The following DNAH11 variants were observed in gnomAD, a reference collection of about 807,000 sequenced individuals.
The protein encoded by DNAH11 is axonemal beta dynein heavy chain 11.
In DNAH11, 442 loss-of-function variants were observed where a neutral mutation model predicts 526.0. The ratio of observed to expected loss-of-function variants is 0.84; its 90% CI spans 0.78 to 0.91. The LOEUF (loss-of-function observed/expected upper bound fraction) is 0.91, where lower values mean the gene tolerates loss of function less well. Among genes scored for constraint, DNAH11 ranks in the 40% least tolerant of loss-of-function variants. DNAH11 has a pLI of 0.00. For missense variants in DNAH11, 6,989 were observed against 5,448.7 expected (o/e 1.28, Z -8.90); for synonymous variants, 2,461 against 1,935.9 (o/e 1.27, Z -7.12).
At position 21,787,470 on chromosome 7, in the gene DNAH11, G is replaced by A. The variant is rs1267709819; in HGVS notation, c.9811G>A (p.Val3271Met). ...EHIPENCLKV[V>M]NEHYLKDPEF... Reference sequence around the variant, plus strand: ...CATTCCAGAGAACTGTCTAAAAGTGGTGAATGAACACTATTTGAAAGACCC... The same window carrying A: ...CATTCCAGAGAACTGTCTAAAAGTGATGAATGAACACTATTTGAAAGACCC... Residue 3271 changes from valine (V) to methionine (M), a missense_variant, in exon 60 of 82, where the codon GTG (valine) becomes ATG (methionine). Transcript: ENST00000409508. 6.2e-7 allele frequency: 1 copy of A among 1,613,738 alleles called. No individual in the cohort carries two copies. The highest frequency in any genetic ancestry group is 1.7e-5 in the Admixed American group (1 of 60,004).
At chr7:21,678,099 A>T (rs1782975831) in intron 30 of DNAH11, among the ~76,000 whole-genome samples, 1 of 146,044 alleles carries the variant, frequency 6.8e-6, no homozygotes, top group Non-Finnish European at 1.5e-5. Flanking sequence ...TTTATTTTTT[A>T]TTTTGTTGTC....
At chr7:21,775,628 C>A (rs116341558) in intron 56 of DNAH11, among the ~76,000 whole-genome samples, 15 of 139,716 alleles carry the variant, frequency 1.1e-4, no homozygotes, top group Non-Finnish European at 2.2e-4. Flanking sequence ...AAAAAAAAAA[C>A]AAGTCTGTCT....
At chr7:21,714,882 A>G (rs1440981034) in intron 42 of DNAH11, among the ~76,000 whole-genome samples, 2 of 152,344 alleles carry the variant, frequency 1.3e-5, no homozygotes, top group East Asian at 3.9e-4. Flanking sequence ...AAAAGACTAG[A>G]TACTTCTAGA....
At chr7:21,711,954 C>G (rs1434002568) in intron 42 of DNAH11, 94 bp downstream of exon 42, 3 of 1,377,202 alleles carry the variant, frequency 2.2e-6, no homozygotes, top group African/African-American at 1.4e-5. Context: ...CATGTTGTTG[C>G]ACAGCTGTCA....
chr7:21,629,473 T>G (rs920286343), intron 25 of DNAH11, among the ~76,000 whole-genome samples: 3 of 152,126 alleles, frequency 2.0e-5, no homozygotes, highest in Admixed American at 2.0e-4. Flanking sequence ...TTTGAAATCT[T>G]GGAAGATCTG....
At chr7:21,574,625 G>A (rs1318522252) in intron 8 of DNAH11, among the ~76,000 whole-genome samples, 1 of 145,512 alleles carries the variant, frequency 6.9e-6, no homozygotes, top group Admixed American at 7.0e-5. Flanking sequence ...GTGCAATGGT[G>A]CGATCTTAGC....
rs758607915 is a variant in DNAH11, at chr7:21,681,557, G to C, written c.5340G>C (p.Leu1780=). The change falls in exon 31 of 82, where the codon CTG becomes CTC. Residue 1780 remains leucine, a synonymous_variant. Coordinates refer to ENST00000409508, the MANE Select transcript of DNAH11 (RefSeq NM_001277115.2). Reference sequence around the variant, plus strand: ...ATGATTCCTTCTAGATTTCTCAGCTGAATACACTGATTACACTTTTGCTGG... The same window carrying C: ...ATGATTCCTTCTAGATTTCTCAGCTCAATACACTGATTACACTTTTGCTGG... ...KDFHKKQISQ[L]NTLITLLLGE... is the part of the protein sequence containing the mutation. 2 of 1,613,640 alleles carry C rather than the reference G, an allele frequency of 1.2e-6. No individual in the cohort carries two copies. Among genetic ancestry groups the C allele is most frequent in the Non-Finnish European group, 1.7e-6 (2 of 1,179,746 alleles).
rs150843775 is a variant in DNAH11 at position 21,725,470 on chromosome 7, A to G, written c.7267-341A>G. ...CAAAGGACAGTATTTAAATCAAATA[A>G]TGTCATTAATTTTTAAAAAGTACGC... is the stretch of plus-strand genomic sequence containing the variant. On this transcript the variant is annotated intron_variant, in intron 44 of 81. Coordinates refer to ENST00000409508, the MANE Select transcript of DNAH11 (RefSeq NM_001277115.2). 2.5e-4 allele frequency among the ~76,000 whole-genome samples: 38 copies of G among 152,362 alleles called. No homozygotes were observed. The East Asian group carries it at 5.2e-3, about 21-fold the overall frequency.
intron 2 of DNAH11, among the ~76,000 whole-genome samples, chr7:21,557,207 C>T (rs957974739): frequency 6.6e-6 from 1 of 152,162 alleles, no homozygotes; most frequent in South Asian, 2.1e-4. Flanking sequence ...CCATTTCTCT[C>T]AGGGGTACTG....
intron 66 of DNAH11, among the ~76,000 whole-genome samples, chr7:21,843,339 AG>A (rs2128017321): frequency 6.6e-6 from 1 of 152,306 alleles, no homozygotes; most frequent in East Asian, 1.9e-4. Flanking sequence ...TTTGGCAAGA[AG>A]GGGTGAGGAA....
At chr7:21,869,157 C>T (rs1031812503) in intron 73 of DNAH11, among the ~76,000 whole-genome samples, 166 bp downstream of exon 73, 1 of 152,160 alleles carries the variant, frequency 6.6e-6, no homozygotes, top group African/African-American at 2.4e-5. Flanking sequence ...TGGTGAGGGG[C>T]TCTGCGGACA....
In DNAH11 at chr7:21,744,872, T is replaced by C; in HGVS notation, c.8319T>C (p.Gly2773=). 8 of 1,607,270 alleles carry C rather than the reference T, an allele frequency of 5.0e-6. No individual in the cohort carries two copies. Among genetic ancestry groups the C allele is most frequent in the Non-Finnish European group, 6.8e-6 (8 of 1,176,782 alleles). Residue 2773 remains glycine, a splice_region_variant and synonymous_variant, in exon 51 of 82, where the codon GGT becomes GGC. Transcript: ENST00000409508. ...MLETAYKYFE[G]IDSHMLLQQP... ...TTTTTCTCTTTCTCATCCTGCAGGGTATAGATAGTCACATGCTGCTTCAAC... is the reference window on the plus strand; with the variant it reads ...TTTTTCTCTTTCTCATCCTGCAGGGCATAGATAGTCACATGCTGCTTCAAC...
intron 54 of DNAH11, among the ~76,000 whole-genome samples, chr7:21,761,221 T>A (rs939350134): frequency 1.3e-5 from 2 of 152,204 alleles, no homozygotes; most frequent in Admixed American, 6.5e-5. Context: ...TTATGCTCAA[T>A]TTTTAGCAAA....
chr7:21,714,217 T>C (rs1474178122), intron 42 of DNAH11, among the ~76,000 whole-genome samples: 1 of 152,256 alleles, frequency 6.6e-6, no homozygotes, highest in Non-Finnish European at 1.5e-5. Context: ...ACCCAATTTA[T>C]ATTCCTAAGA....
intron 8 of DNAH11, among the ~76,000 whole-genome samples, chr7:21,577,830 G>T (rs1784158303): frequency 6.6e-6 from 1 of 152,056 alleles, no homozygotes; most frequent in African/African-American, 2.4e-5. Context: ...TCTCAACTGA[G>T]TGAAAAAAAG....
Position 21,784,532 on chromosome 7 carries a change from C to G in DNAH11, c.9589C>G (p.Leu3197Val), listed in dbSNP as rs1425605068. ...GGCTGCTACAGCTGCACTCAATACA[C>G]TCAACAGGGTAAAGATAATTTATTG... ...LVAATAALNTLNRVNLSELKA... is the reference protein window; with the variant it reads ...LVAATAALNTVNRVNLSELKA... The change falls in exon 58 of 82, where the codon CTC becomes GTC. Residue 3197 changes from leucine to valine, a missense_variant. Transcript: ENST00000409508. 3 of 1,605,810 alleles carry G rather than the reference C, an allele frequency of 1.9e-6. No individual in the cohort carries two copies. The Admixed American group carries it at 5.1e-5, about 27-fold the overall frequency.
At chr7:21,601,779 T>G (rs1258433766) in intron 18 of DNAH11, among the ~76,000 whole-genome samples, 161 bp downstream of exon 18, 1 of 152,112 alleles carries the variant, frequency 6.6e-6, no homozygotes, top group Non-Finnish European at 1.5e-5. Context: ...TAAGGAGATT[T>G]AATAACTTTC....
chr7:21,811,455 C>CAA (rs33956308), intron 63 of DNAH11, among the ~76,000 whole-genome samples: 28,660 of 143,976 alleles, frequency 0.2, 3,292 homozygotes, highest in Admixed American at 0.35. Context: ...GATGCCATCT[C>CAA]AAAAAAAAAA....
chr7:21,661,401 T>G (rs552811704), intron 30 of DNAH11, among the ~76,000 whole-genome samples: 6 of 152,110 alleles, frequency 3.9e-5, no homozygotes, highest in Admixed American at 6.6e-5. Flanking sequence ...TTATTTTGAC[T>G]TCCTTTTTGA....
Sources: gnomAD v4.1 joint callset for allele counts (sites outside exome capture counted in the v4.1 genomes callset) on GRCh38, gnomAD v4.1.1 for gene constraint, MANE v1.5 for transcripts, NCBI Gene and HGNC (gene_info 2026-07-23, HGNC 2026-07-21) for gene names.